Variants in ANKS1B observed in about 807,000 individuals in gnomAD.
ANKS1B encodes ankyrin repeat and sterile alpha motif domain containing 1B, also known as ankyrin repeat and sterile alpha motif domain-containing protein 1B.
In ANKS1B, 36 loss-of-function variants were observed where a neutral mutation model predicts 148.3. That is an observed-to-expected ratio of 0.24 (90% confidence interval 0.19 to 0.32). ANKS1B has a LOEUF of 0.32. ANKS1B is among the 10% of genes least tolerant of loss of function. The pLI is 1.00. For missense variants in ANKS1B, 1,157 were observed against 1,542.6 expected (o/e 0.75, Z 4.19); for synonymous variants, 542 against 560.8 (o/e 0.97, Z 0.47).
At chr12:98,957,371 G>A (rs888854932) in intron 17 of ANKS1B, among the ~76,000 whole-genome samples, 2 of 144,852 alleles carry the variant, frequency 1.4e-5, no homozygotes, top group Admixed American at 7.1e-5. Flanking sequence ...ATTTTGAGAC[G>A]GAGTCTCTCT....
At chr12:99,175,210 A>G (rs1407480290) in intron 14 of ANKS1B, among the ~76,000 whole-genome samples, 2 of 152,212 alleles carry the variant, frequency 1.3e-5, no homozygotes, top group African/African-American at 2.4e-5. Context: ...ATTCTACTCA[A>G]AGCCAAATAA....
At chr12:99,646,155 T>C (rs2098361177) in intron 9 of ANKS1B, among the ~76,000 whole-genome samples, 1 of 152,188 alleles carries the variant, frequency 6.6e-6, no homozygotes, top group Non-Finnish European at 1.5e-5. Context: ...AATGTGTATT[T>C]GGTTTCTTGG....
intron 9 of ANKS1B, among the ~76,000 whole-genome samples, chr12:99,512,508 C>G (rs914496000): frequency 5.9e-5 from 9 of 152,124 alleles, no homozygotes; most frequent in South Asian, 2.1e-4. Context: ...CCTCAAAGAT[C>G]TAGAAGGAGA....
At chr12:99,189,310 A>G (rs1271927839) in intron 14 of ANKS1B, among the ~76,000 whole-genome samples, 1 of 152,202 alleles carries the variant, frequency 6.6e-6, no homozygotes, top group African/African-American at 2.4e-5. Flanking sequence ...TCCAAACAAT[A>G]GAAAAAGAGG....
At chr12:99,949,707 T>C (rs1442418678) in intron 1 of ANKS1B, among the ~76,000 whole-genome samples, 1 of 152,186 alleles carries the variant, frequency 6.6e-6, no homozygotes, top group Non-Finnish European at 1.5e-5. Flanking sequence ...CCACCCTCTT[T>C]TGCCCTCTAG....
rs954423756 is a variant in ANKS1B, at chr12:98,842,346, G to C, written c.2779-10210C>G. On this transcript the variant is annotated intron_variant, in intron 17 of 26. Coordinates refer to ENST00000683438, the MANE Select transcript of ANKS1B (RefSeq NM_001352186.2). ...CACACAAGATGATAGAATATTGTAG[G>C]ATTCCATTTACATGAGTTTCTAGAC... 2.0e-5 allele frequency among the ~76,000 whole-genome samples: 3 copies of C among 152,162 alleles called. No homozygotes were observed. The East Asian group carries it at 5.8e-4, about 29-fold the overall frequency.
intron 1 of ANKS1B, among the ~76,000 whole-genome samples, chr12:99,842,900 A>G (rs2085985985): frequency 6.6e-6 from 1 of 152,192 alleles, no homozygotes; most frequent in Admixed American, 6.6e-5. Flanking sequence ...GCATAATTCA[A>G]ACCATCAATA....
chr12:99,827,078 C>T (rs1297577091), intron 1 of ANKS1B, among the ~76,000 whole-genome samples: 1 of 151,936 alleles, frequency 6.6e-6, no homozygotes, highest in Non-Finnish European at 1.5e-5. Flanking sequence ...ATAATCATGC[C>T]ACTGCACTCC....
chr12:99,944,381 C>T (rs984245770), intron 1 of ANKS1B, among the ~76,000 whole-genome samples: 6 of 152,190 alleles, frequency 3.9e-5, no homozygotes, highest in Non-Finnish European at 7.3e-5. Flanking sequence ...GGAAGGCCTC[C>T]TTCCCAGTGG....
At chr12:99,524,828 G>C (rs539917679) in intron 9 of ANKS1B, among the ~76,000 whole-genome samples, 1 of 152,062 alleles carries the variant, frequency 6.6e-6, no homozygotes, top group Non-Finnish European at 1.5e-5. Flanking sequence ...ACAGTATTGG[G>C]GAACTGCCCC....
At chr12:99,722,578 A>G (rs2058192728) in intron 8 of ANKS1B, among the ~76,000 whole-genome samples, 1 of 152,208 alleles carries the variant, frequency 6.6e-6, no homozygotes, top group Non-Finnish European at 1.5e-5. Context: ...TTGCTCATCG[A>G]CAATGCACCT....
intron 9 of ANKS1B, among the ~76,000 whole-genome samples, chr12:99,553,202 G>A (rs1567335439): frequency 6.6e-6 from 1 of 152,094 alleles, no homozygotes. Flanking sequence ...AGTATACTAG[G>A]TATAAAAATA....
intron 25 of ANKS1B, among the ~76,000 whole-genome samples, chr12:98,758,376 TA>T (rs67053010): frequency 0.094 from 14,317 of 152,046 alleles, 860 homozygotes; most frequent in Non-Finnish European, 0.14. Context: ...TAAGATAAAA[TA>T]AAAAAAATTC....
chr12:98,779,878 A>G (rs567749789), intron 24 of ANKS1B, among the ~76,000 whole-genome samples: 9 of 152,294 alleles, frequency 5.9e-5, no homozygotes, highest in African/African-American at 2.2e-4. Flanking sequence ...CATTATGCTG[A>G]TATTATTGGT....
intron 17 of ANKS1B, among the ~76,000 whole-genome samples, chr12:99,024,226 T>C (rs1409992320): frequency 6.6e-6 from 1 of 152,174 alleles, no homozygotes; most frequent in Non-Finnish European, 1.5e-5. Context: ...AATTAAAATA[T>C]ATACCCACTA....
chr12:99,455,341 C>A (rs928223716), intron 10 of ANKS1B, among the ~76,000 whole-genome samples: 6 of 152,136 alleles, frequency 3.9e-5, no homozygotes, highest in African/African-American at 1.4e-4. Flanking sequence ...CTTGCAGCTG[C>A]CACTCAGATG....
intron 1 of ANKS1B, among the ~76,000 whole-genome samples, chr12:99,909,824 C>T (rs193252440): frequency 1.8e-4 from 27 of 152,050 alleles, no homozygotes; most frequent in African/African-American, 6.5e-4. Flanking sequence ...TTTCTTCCCT[C>T]TTCTCTCTAT....
At chr12:98,783,494 C>T (rs2098757329) in intron 22 of ANKS1B, among the ~76,000 whole-genome samples, 1 of 152,182 alleles carries the variant, frequency 6.6e-6, no homozygotes, top group Non-Finnish European at 1.5e-5. Context: ...GCAATATGAA[C>T]AACATGCCTC....
At chr12:99,605,202 A>G (rs1380106063) in intron 9 of ANKS1B, among the ~76,000 whole-genome samples, 1 of 152,100 alleles carries the variant, frequency 6.6e-6, no homozygotes, top group African/African-American at 2.4e-5. Context: ...CATTTTTTAA[A>G]CTTTTAAAAA....
Sources: gnomAD v4.1 joint callset for allele counts (sites outside exome capture counted in the v4.1 genomes callset) on GRCh38, gnomAD v4.1.1 for gene constraint, MANE v1.5 for transcripts, NCBI Gene and HGNC (gene_info 2026-07-23, HGNC 2026-07-21) for gene names.